The following OSBPL5 variants were observed in gnomAD, a reference collection of about 807,000 sequenced individuals.
OSBPL5 encodes oxysterol-binding protein-related protein 5.
OSBPL5 carries 71 observed loss-of-function variants against 111.2 expected under a neutral mutation model. That is an observed-to-expected ratio of 0.64 (90% CI 0.53 to 0.78). The LOEUF (loss-of-function observed/expected upper bound fraction) is 0.78. Among genes scored for constraint, OSBPL5 ranks in the 30% least tolerant of loss-of-function variants. OSBPL5 has a pLI of 0.00. For synonymous variants in OSBPL5, 549 were observed against 513.9 expected (o/e 1.07, Z -0.93); for missense variants, 1,210 against 1,189.3 (o/e 1.02, Z -0.26).
chr11:3,120,820 C>T (rs543963990), intron 5 of OSBPL5, among the ~76,000 whole-genome samples, 196 bp from the exon 6 acceptor site: 9 of 152,324 alleles, frequency 5.9e-5, no homozygotes, highest in South Asian at 4.1e-4. Context: ...CTGTGTCTAT[C>T]GTGTACCCGA....
At chr11:3,101,171 C>T (rs918839207) in intron 13 of OSBPL5, among the ~76,000 whole-genome samples, 35 of 152,090 alleles carry the variant, frequency 2.3e-4, no homozygotes, top group South Asian at 6.2e-4. Flanking sequence ...GACAGGGTTT[C>T]ACCATGTTGG....
intron 17 of OSBPL5, 116 bp from the exon 18 acceptor site, chr11:3,093,168 GC>G: frequency 9.1e-7 from 1 of 1,096,732 alleles, no homozygotes; most frequent in Non-Finnish European, 1.3e-6. Flanking sequence ...CTGCGTGATT[GC>G]CTACAGTGAC....
rs765072053 is a variant in OSBPL5 at position 3,129,091 on chromosome 11, G to T, written c.58C>A (p.Pro20Thr). The T allele has an allele frequency of 1.3e-6, 2 of 1,559,710 alleles. No homozygotes were observed. The highest frequency in any genetic ancestry group is 1.2e-5 in the South Asian group (1 of 84,684). ...AGCTTCCGGGGGTCGACTTTCTGAG[G>T]GGTGGAGGAAGGTGGACACAGGGAG... ...RFSLCPPSST[P>T]QKVDPRKLTR... Residue 20 changes from proline (P) to threonine (T), a missense_variant, in exon 2 of 22, where the codon CCT becomes ACT. Pro to Thr is a conservative substitution (Grantham distance 38, BLOSUM62 -1). Transcript: ENST00000263650.
Position 3,090,648 on chromosome 11 carries a change from C to T in OSBPL5, c.2308G>A (p.Gly770Ser), listed in dbSNP as rs199552862. 118 of 1,612,462 alleles carry T rather than the reference C, an allele frequency of 7.3e-5. No individual in the cohort carries two copies. The highest frequency in any genetic ancestry group is 9.5e-5 in the Non-Finnish European group (112 of 1,179,900). ...CTGCTCTCCGTGGCCTGGCTGTGGC[C>T]GGAGGGCTGGTCGCTGGCCTTGCGA... ...RLRKASDQPS[G>S]HSQATESSGS... Residue 770 changes from glycine to serine, a missense_variant, in exon 20 of 22, where the codon GGC (glycine) becomes AGC (serine). Coordinates refer to ENST00000263650, the MANE Select transcript of OSBPL5 (RefSeq NM_020896.4).
chr11:3,157,994 C>T (rs926438297), intron 1 of OSBPL5, among the ~76,000 whole-genome samples: 2 of 152,194 alleles, frequency 1.3e-5, no homozygotes. Flanking sequence ...TGTGAGCCTT[C>T]GTGGGAGCCT....
At position 3,121,530 on chromosome 11, in the gene OSBPL5, A is replaced by G. The variant is rs1451978691; in HGVS notation, c.402+467T>C. Among the ~76,000 whole-genome samples the G allele has an allele frequency of 6.6e-6, 1 of 152,142 alleles. No individual in the cohort carries two copies. Among genetic ancestry groups the G allele is most frequent in the Non-Finnish European group, 1.5e-5 (1 of 68,036 alleles). On this transcript the variant is annotated intron_variant, in intron 5 of 21. Coordinates refer to ENST00000263650, the MANE Select transcript of OSBPL5 (RefSeq NM_020896.4). This position sits in a 1 kb window ranked among gnomAD's most constrained non-coding sequence, Gnocchi z 4.3. ...ACTTATCTGGTATGCGTTGCCCAGC[A>G]GCCTCGGAGTTGGGCAGTTTTACCT...
intron 1 of OSBPL5, among the ~76,000 whole-genome samples, chr11:3,160,697 C>T (rs1201510332): frequency 1.4e-5 from 2 of 147,836 alleles, no homozygotes; most frequent in African/African-American, 2.5e-5. Flanking sequence ...CGCCCCCACA[C>T]CGAGCGCCGT....
intron 5 of OSBPL5, among the ~76,000 whole-genome samples, chr11:3,120,936 A>T (rs527960171): frequency 3.3e-5 from 5 of 152,334 alleles, no homozygotes; most frequent in African/African-American, 1.2e-4. Context: ...GGTGAATGCA[A>T]AGAAATACGT....
intron 1 of OSBPL5, among the ~76,000 whole-genome samples, chr11:3,145,958 T>C (rs977099252): frequency 1.3e-5 from 2 of 152,074 alleles, no homozygotes; most frequent in African/African-American, 4.8e-5. Context: ...GGGGTCACAA[T>C]CGGCAAATGT....
intron 13 of OSBPL5, among the ~76,000 whole-genome samples, chr11:3,100,971 C>CT (rs1196891233): frequency 0.011 from 1,298 of 123,380 alleles, 18 homozygotes; most frequent in East Asian, 0.021. Context: ...AGTTTCATTT[C>CT]TTTTTTTTTT....
Position 3,107,584 on chromosome 11 carries a change from A to G in OSBPL5, c.867-129T>C, listed in dbSNP as rs534157129. ...GCCTGTCGTCACCTCCACAACCCAC[A>G]TTTGACACGATCAGCCCCGTTTTAG... On this transcript the variant is annotated intron_variant, in intron 8 of 21. Coordinates refer to ENST00000263650, the MANE Select transcript of OSBPL5 (RefSeq NM_020896.4). The surrounding 1 kb of genome is among the most constrained non-coding windows in gnomAD (Gnocchi z 6.1). The G allele has an allele frequency of 8.1e-6, 11 of 1,363,044 alleles. No individual in the cohort carries two copies. Among genetic ancestry groups the G allele is most frequent in the Non-Finnish European group, 1.1e-5 (11 of 981,136 alleles). The allele number at this position is 1,363,044 out of a possible 1,614,324, so 84.4% of individuals were successfully genotyped here.
At chr11:3,100,294 A>G in intron 13 of OSBPL5, 38 bp from the exon 14 acceptor site, 1 of 1,594,896 alleles carries the variant, frequency 6.3e-7, no homozygotes, top group South Asian at 1.1e-5. Context: ...GTGAGTGCGG[A>G]CAGCCCTTTC....
At chr11:3,119,964 G>A (rs1252312750) in intron 6 of OSBPL5, 2 of 423,282 alleles carry the variant, frequency 4.7e-6, no homozygotes, top group African/African-American at 2.1e-5. Context: ...GTAGCTTTTT[G>A]GTGTAAGTAT....
chr11:3,148,194 C>T (rs1043457652), intron 1 of OSBPL5, among the ~76,000 whole-genome samples: 6 of 152,218 alleles, frequency 3.9e-5, no homozygotes, highest in Non-Finnish European at 5.9e-5. Context: ...GGTCGGAAAC[C>T]GCACCTGCTG....
chr11:3,102,459 G>C (rs1159813833), intron 11 of OSBPL5, among the ~76,000 whole-genome samples, 178 bp from the exon 12 acceptor site: 1 of 152,214 alleles, frequency 6.6e-6, no homozygotes, highest in Non-Finnish European at 1.5e-5. Flanking sequence ...ACTATGCTTT[G>C]CCTGTGGTTT....
intron 7 of OSBPL5, among the ~76,000 whole-genome samples, chr11:3,111,470 G>A (rs11025423): frequency 0.025 from 3,741 of 152,072 alleles, 143 homozygotes; most frequent in African/African-American, 0.084. Flanking sequence ...CAACCAGCTG[G>A]TCTTAATTTC....
At chr11:3,129,226 G>T in intron 1 of OSBPL5, 57 bp from the exon 2 acceptor site, 1 of 1,344,480 alleles carries the variant, frequency 7.4e-7, no homozygotes. Context: ...GGGCTTCAGA[G>T]CCACATGGTG....
chr11:3,107,873 G>A lies in OSBPL5; in HGVS notation c.764C>T (p.Pro255Leu), dbSNP rs147555918. ...SSLLRLGTCK[P>L]GRDGEPGTSP... ...GGTCCCTGGCTCCCCGTCTCGGCCC[G>A]GCTTGCAGGTGCCCAGTCTCAGTAG... is the stretch of plus-strand genomic sequence containing the variant. The change falls in exon 8 of 22, where the codon CCG becomes CTG. Residue 255 changes from proline to leucine, a missense_variant. Transcript: ENST00000263650. This position sits in a 1 kb window ranked among gnomAD's most constrained non-coding sequence, Gnocchi z 6.1. The A allele has an allele frequency of 8.1e-3, 13,021 of 1,607,960 alleles. 64 individuals are homozygous for A. Among genetic ancestry groups the A allele is most frequent in the Non-Finnish European group, 9.9e-3 (11,695 of 1,179,888 alleles).
chr11:3,142,632 G>A lies in OSBPL5; in HGVS notation c.-21-13463C>T, dbSNP rs1464832299. On this transcript the variant is annotated intron_variant, in intron 1 of 21. Coordinates refer to ENST00000263650, the MANE Select transcript of OSBPL5 (RefSeq NM_020896.4). This position sits in a 1 kb window ranked among gnomAD's most constrained non-coding sequence, Gnocchi z 7.1. ...CGCGGGTGGAGAGCCTGGGTGGTGC[G>A]TTTATCAACAGGACCGCTGGTTTCA... Among the ~76,000 whole-genome samples the A allele has an allele frequency of 2.0e-5, 3 of 152,132 alleles. No homozygotes were observed. Among genetic ancestry groups the A allele is most frequent in the African/African-American group, 4.8e-5 (2 of 41,404 alleles).
Sources: gnomAD v4.1 joint callset for allele counts (sites outside exome capture counted in the v4.1 genomes callset) on GRCh38, gnomAD v4.1.1 for gene constraint, Gnocchi (gnomAD v3.1) non-coding constraint, MANE v1.5 for transcripts, NCBI Gene and HGNC (gene_info 2026-07-23, HGNC 2026-07-21) for gene names.